The following GNG4 variants were observed in gnomAD, a reference collection of about 807,000 sequenced individuals.
GNG4 encodes the protein guanine nucleotide-binding protein G(I)/G(S)/G(O) subunit gamma-4.
Under a neutral mutation model 5.8 loss-of-function variants are expected in GNG4, and 4 were observed. The observed-to-expected ratio is 0.69, with a 90% CI of 0.34 to 1.57. The LOEUF is 1.57. Among genes scored for constraint, GNG4 ranks in the 40% most tolerant of loss-of-function variants. The pLI is 0.06. For missense variants in GNG4, 96 were observed against 95.1 expected (o/e 1.01, Z -0.04); for synonymous variants, 29 against 32.9 (o/e 0.88, Z 0.41).
At chr1:235,624,805 C>A (rs1688777060) in intron 1 of GNG4, among the ~76,000 whole-genome samples, 1 of 152,206 alleles carries the variant, frequency 6.6e-6, no homozygotes, top group Non-Finnish European at 1.5e-5. Context: ...TTTCCTCTCC[C>A]AGCTCCTCAG....
intron 1 of GNG4, among the ~76,000 whole-genome samples, chr1:235,643,134 A>G (rs1420043469): frequency 1.3e-5 from 2 of 152,178 alleles, no homozygotes; most frequent in African/African-American, 4.8e-5. Flanking sequence ...CAGACGGCCA[A>G]GGTGGGGCCT....
chr1:235,596,540 A>C (rs1458597272), intron 1 of GNG4, among the ~76,000 whole-genome samples: 1 of 152,198 alleles, frequency 6.6e-6, no homozygotes, highest in Non-Finnish European at 1.5e-5. Flanking sequence ...AAAAACACCT[A>C]TTATCAAAAA....
chr1:235,646,113 AG>A (rs1028286499), intron 1 of GNG4, among the ~76,000 whole-genome samples: 5 of 152,198 alleles, frequency 3.3e-5, no homozygotes, highest in African/African-American at 1.2e-4. Context: ...TTCTATCTCT[AG>A]GGCCTTCCAT....
At chr1:235,597,620 G>GTGTA (rs1688155898) in intron 1 of GNG4, among the ~76,000 whole-genome samples, 2 of 92,204 alleles carry the variant, frequency 2.2e-5, no homozygotes, top group African/African-American at 4.4e-5. Flanking sequence ...GTGTGTGTGT[G>GTGTA]TGTGTGTGTA....
chr1:235,633,558 G>A (rs973835857), intron 1 of GNG4, among the ~76,000 whole-genome samples: 2 of 152,166 alleles, frequency 1.3e-5, no homozygotes, highest in African/African-American at 4.8e-5. Flanking sequence ...TGCAATCATA[G>A]CTCACTGCAG....
chr1:235,588,922 C>T (rs1324102300), intron 2 of GNG4: 1 of 152,440 alleles, frequency 6.6e-6, no homozygotes, highest in Non-Finnish European at 1.5e-5. Context: ...GGACACCACC[C>T]ACAGCTGCTC....
chr1:235,587,632 G>GTGGTGT (rs369790755), intron 2 of GNG4, among the ~76,000 whole-genome samples: 1 of 1,246 alleles, frequency 8.0e-4, no homozygotes, highest in Non-Finnish European at 1.4e-3. Flanking sequence ...AATGTGGGGT[G>GTGGTGT]GAGTGTGAGT....
chr1:235,601,414 C>G (rs1037683858), intron 1 of GNG4, among the ~76,000 whole-genome samples: 1 of 152,068 alleles, frequency 6.6e-6, no homozygotes, highest in Non-Finnish European at 1.5e-5. Context: ...ATGAGGGAGG[C>G]GCCCGGCTCT....
At chr1:235,613,765 G>A (rs1688530653) in intron 1 of GNG4, among the ~76,000 whole-genome samples, 1 of 152,196 alleles carries the variant, frequency 6.6e-6, no homozygotes, top group African/African-American at 2.4e-5. Context: ...AAGTCACTAA[G>A]CATGTGGTAA....
chr1:235,583,659 T>C lies in GNG4; in HGVS notation c.99+81A>G, dbSNP rs1057159311. On this transcript the variant is annotated intron_variant, in intron 3 of 3. Transcript: ENST00000391854. ...GCTCTGCTGGGTGACGTGTTAACTC[T>C]CACAAGTCTGCTTTGGAAGCAGGAG... 1.1e-5 allele frequency: 10 copies of C among 896,036 alleles called. No homozygotes were observed. The Admixed American group carries it at 1.9e-4, about 17-fold the overall frequency. 55.5% of individuals were successfully genotyped at this position (896,036 alleles called of 1,614,324 possible).
chr1:235,633,892 C>A (rs1363262577), intron 1 of GNG4, among the ~76,000 whole-genome samples: 1 of 152,192 alleles, frequency 6.6e-6, no homozygotes, highest in African/African-American at 2.4e-5. Context: ...AAAATGTACA[C>A]ATGGCCCAGC....
chr1:235,645,469 A>G (rs1657477713), intron 1 of GNG4, among the ~76,000 whole-genome samples: 1 of 152,118 alleles, frequency 6.6e-6, no homozygotes, highest in Non-Finnish European at 1.5e-5. Context: ...GAACATGTAA[A>G]CACTTTTTCT....
intron 3 of GNG4, among the ~76,000 whole-genome samples, chr1:235,555,745 G>T (rs1686885789): frequency 6.6e-6 from 1 of 151,596 alleles, no homozygotes; most frequent in East Asian, 1.9e-4. Context: ...ATATATTTAT[G>T]GTGTACAACA....
At chr1:235,578,989 T>C (rs2841875) in intron 3 of GNG4, among the ~76,000 whole-genome samples, 113,185 of 151,664 alleles carry the variant, frequency 0.75, 43,506 homozygotes, top group African/African-American at 0.93. Context: ...CCCAGCTACT[T>C]GGGAGGCTGA....
At chr1:235,608,030 C>A (rs1463021867) in intron 1 of GNG4, among the ~76,000 whole-genome samples, 3 of 151,824 alleles carry the variant, frequency 2.0e-5, no homozygotes, top group African/African-American at 7.3e-5. Context: ...CTCTGCCTCC[C>A]AGGCTCAGGC....
chr1:235,645,153 A>AGCATGGG (rs1411124860), intron 1 of GNG4, among the ~76,000 whole-genome samples: 1 of 152,168 alleles, frequency 6.6e-6, no homozygotes. Flanking sequence ...ACAGAGTCCC[A>AGCATGGG]GCATGGGGCA....
chr1:235,601,327 T>G (rs1396933561), intron 1 of GNG4, among the ~76,000 whole-genome samples: 2 of 152,184 alleles, frequency 1.3e-5, no homozygotes, highest in Non-Finnish European at 1.5e-5. Flanking sequence ...GTGAGGTCTC[T>G]GCTCTCACAG....
chr1:235,575,215 T>C (rs6674438), intron 3 of GNG4, among the ~76,000 whole-genome samples: 22,306 of 152,150 alleles, frequency 0.15, 1,826 homozygotes, highest in Middle Eastern at 0.23. Context: ...GGCTGAATGA[T>C]TTTTTCGAAT....
chr1:235,646,770 T>C (rs1657522004), intron 1 of GNG4, among the ~76,000 whole-genome samples: 1 of 152,222 alleles, frequency 6.6e-6, no homozygotes, highest in African/African-American at 2.4e-5. Flanking sequence ...CCAGCCACCA[T>C]TCAGTCTAAC....
Sources: gnomAD v4.1 joint callset for allele counts (sites outside exome capture counted in the v4.1 genomes callset) on GRCh38, gnomAD v4.1.1 for gene constraint, MANE v1.5 for transcripts, NCBI Gene and HGNC (gene_info 2026-07-23, HGNC 2026-07-21) for gene names.